The following OTUD5 variants were observed in gnomAD, a reference collection of about 807,000 sequenced individuals.
OTUD5 encodes the protein OTU domain-containing protein 5.
A neutral mutation model predicts 36.3 loss-of-function variants in OTUD5; 2 were observed. The ratio of observed to expected loss-of-function variants is 0.06; its 90% CI spans 0.02 to 0.17. OTUD5 has a LOEUF of 0.17. Ranked by LOEUF, OTUD5 falls within the 10% of genes least tolerant of loss-of-function variation. The pLI is 1.00. For synonymous variants in OTUD5, 234 were observed against 214.9 expected (o/e 1.09, Z -0.78); for missense variants, 233 against 512.3 (o/e 0.45, Z 5.26).
chrX:48,929,258 C>T (rs782819739), intron 5 of OTUD5, among the ~76,000 whole-genome samples: 16 of 108,800 alleles, frequency 1.5e-4, no homozygotes, highest in African/African-American at 5.4e-4. Context: ...CGTGGTGGCG[C>T]GTGCCTGTAA....
chrX:48,952,885 T>G (rs1557054239), intron 1 of OTUD5, among the ~76,000 whole-genome samples: 1 of 111,798 alleles, frequency 8.9e-6, no homozygotes, highest in Non-Finnish European at 1.9e-5. Flanking sequence ...TGAAGGGCCT[T>G]TGCTATCAAA....
chrX:48,934,634 G>A, intron 4 of OTUD5, 22 bp from the exon 5 acceptor site: 1 of 1,209,350 alleles, frequency 8.3e-7, no homozygotes, highest in Non-Finnish European at 1.1e-6. Context: ...GAGAAGGAGG[G>A]AGCATCCACA....
At chrX:48,929,280 C>T (rs1602375870) in intron 5 of OTUD5, among the ~76,000 whole-genome samples, 2 of 109,539 alleles carry the variant, frequency 1.8e-5, no homozygotes, top group Admixed American at 2.0e-4. Flanking sequence ...CCCAGCTACT[C>T]GGGAGGCAGA....
At chrX:48,938,694 CA>C (rs782283882) in intron 2 of OTUD5, among the ~76,000 whole-genome samples, 1,232 of 94,654 alleles carry the variant, frequency 0.013, 5 homozygotes, top group Non-Finnish European at 0.017. Flanking sequence ...AACTCTGTCT[CA>C]AAAAAAAAAA....
At chrX:48,935,679 C>T (rs910788728) in intron 2 of OTUD5, among the ~76,000 whole-genome samples, 2 of 111,069 alleles carry the variant, frequency 1.8e-5, no homozygotes, top group African/African-American at 6.6e-5. Context: ...AGGCTCACAC[C>T]TGTTATCCCA....
Position 48,922,512 on chromosome X carries a change from G to A in OTUD5, c.*662C>T. ...CCCTGGGCCGGCCTCCATGCAGCTG[G>A]AGGCCAGAAGACAGCAACCCATATC... On this transcript the variant is annotated 3_prime_UTR_variant, in exon 9 of 9. Transcript: ENST00000376488. The A allele has an allele frequency of 1.3e-6, 1 of 754,627 alleles. No individual in the cohort carries two copies. Among genetic ancestry groups the A allele is most frequent in the African/African-American group, 2.3e-5 (1 of 43,794 alleles). The allele number at this position is 754,627 out of a possible 1,213,427, so 62.2% of individuals were successfully genotyped here.
rs200957811 is a variant in OTUD5, at chrX:48,934,631, A to T, written c.911-19T>A. 3.3e-6 allele frequency: 4 copies of T among 1,208,381 alleles called. No individual in the cohort carries two copies. The African/African-American group carries it at 7.0e-5, about 21-fold the overall frequency. ...ATGGGTTCTGCAGAGAAAGAGAAGG[A>T]GGGAGCATCCACAGCAGGCCAGGTT... On this transcript the variant is annotated intron_variant, in intron 4 of 8. Transcript: ENST00000376488.
chrX:48,946,972 A>C (rs2064039807), intron 1 of OTUD5, among the ~76,000 whole-genome samples: 1 of 112,371 alleles, frequency 8.9e-6, no homozygotes, highest in Non-Finnish European at 1.9e-5. Context: ...AATGAATCAG[A>C]CTTAGTCTCC....
intron 1 of OTUD5, among the ~76,000 whole-genome samples, chrX:48,948,930 G>C (rs1440448460): frequency 5.4e-5 from 6 of 111,713 alleles, no homozygotes; most frequent in Non-Finnish European, 9.4e-5. Context: ...GTAACCTAGT[G>C]GTCTAAGGGC....
At chrX:48,925,612 G>A (rs1557047547) in intron 6 of OTUD5, among the ~76,000 whole-genome samples, 2 of 112,448 alleles carry the variant, frequency 1.8e-5, no homozygotes, top group East Asian at 5.6e-4. Context: ...CATTATTCTC[G>A]TGTCACCAGC....
Position 48,944,298 on chromosome X carries a change from TG to T in OTUD5, c.595-16del. The T allele has an allele frequency of 9.0e-7, 1 of 1,117,296 alleles. No homozygotes were observed. The highest frequency in any genetic ancestry group is 1.2e-6 in the Non-Finnish European group (1 of 812,567). 92.1% of individuals were successfully genotyped at this position (1,117,296 alleles called of 1,213,427 possible). A position where few individuals can be genotyped will look rare whatever the true frequency, so the allele number is the denominator to read the frequency against. On this transcript the variant is annotated splice_polypyrimidine_tract_variant and intron_variant, in intron 1 of 8. Transcript: ENST00000376488. ...CAATGCTCCTGCTGGAGGGAAGAGGTGGGGGTCAGCAACAGGGAAAACCTGT... is the reference window on the plus strand; with the variant it reads ...CAATGCTCCTGCTGGAGGGAAGAGGTGGGGTCAGCAACAGGGAAAACCTGT...
intron 1 of OTUD5, 56 bp from the exon 2 acceptor site, chrX:48,944,339 G>C (rs2063985519): frequency 1.2e-6 from 1 of 804,540 alleles, no homozygotes; most frequent in Non-Finnish European, 1.9e-6. Context: ...CCTCCCCAGG[G>C]CCCCGACCTC....
chrX:48,935,046 AG>A, intron 2 of OTUD5, 28 bp from the exon 3 acceptor site: 1 of 1,163,609 alleles, frequency 8.6e-7, no homozygotes, highest in Non-Finnish European at 1.2e-6. Flanking sequence ...AGCAGCAGCT[AG>A]GGTCAGAGAT....
At chrX:48,924,430 C>T (rs936254194) in intron 6 of OTUD5, among the ~76,000 whole-genome samples, 2 of 111,800 alleles carry the variant, frequency 1.8e-5, no homozygotes, top group Non-Finnish European at 3.8e-5. Context: ...CACTGGATGA[C>T]TAGCAGGCAA....
intron 1 of OTUD5, among the ~76,000 whole-genome samples, chrX:48,956,633 C>T (rs2064246603): frequency 9.0e-6 from 1 of 111,055 alleles, no homozygotes; most frequent in African/African-American, 3.3e-5. Flanking sequence ...TCTTGGGAGA[C>T]CTGAGACTCC....
At chrX:48,952,809 G>C (rs185425425) in intron 1 of OTUD5, among the ~76,000 whole-genome samples, 7 of 112,483 alleles carry the variant, frequency 6.2e-5, no homozygotes, top group Non-Finnish European at 3.8e-5. Context: ...TTCCCCACCA[G>C]CTAGCTACCC....
In OTUD5 at chrX:48,923,045, G is replaced by T. The variant is rs781964113; in HGVS notation, c.*129C>A. The T allele has an allele frequency of 4.8e-4, 560 of 1,158,723 alleles. No individual in the cohort carries two copies. The highest frequency in any genetic ancestry group is 6.1e-4 in the Non-Finnish European group (533 of 869,423). ...GGTGGGCTAGCCAGAGGGAAGTGAGGAGGAGGGAAAAGAGGGGAGAGCAGA... is the reference window on the plus strand; with the variant it reads ...GGTGGGCTAGCCAGAGGGAAGTGAGTAGGAGGGAAAAGAGGGGAGAGCAGA... On this transcript the variant is annotated 3_prime_UTR_variant, in exon 9 of 9. Coordinates refer to ENST00000376488, the MANE Select transcript of OTUD5 (RefSeq NM_001136157.2).
chrX:48,925,437 C>T (rs2063651334), intron 6 of OTUD5, among the ~76,000 whole-genome samples: 1 of 111,180 alleles, frequency 9.0e-6, no homozygotes. Context: ...CCGGAGCCCC[C>T]ACCTCCACTG....
intron 2 of OTUD5, among the ~76,000 whole-genome samples, chrX:48,943,577 TTCTC>T (rs782212461): frequency 4.5e-5 from 5 of 111,382 alleles, no homozygotes; most frequent in African/African-American, 1.6e-4. Flanking sequence ...GGGTTCATCA[TTCTC>T]TCTACTTTTA....
Sources: gnomAD v4.1 joint callset for allele counts (sites outside exome capture counted in the v4.1 genomes callset) on GRCh38, gnomAD v4.1.1 for gene constraint, MANE v1.5 for transcripts, NCBI Gene and HGNC (gene_info 2026-07-23, HGNC 2026-07-21) for gene names.